ZC3H12B: variants seen among roughly 807,000 people sequenced by gnomAD.
ZC3H12B encodes probable ribonuclease ZC3H12B.
In ZC3H12B, 7 loss-of-function variants were observed where a neutral mutation model predicts 43.9. That is an observed-to-expected ratio of 0.16 (90% CI 0.09 to 0.30). The LOEUF is 0.30. Ranked by LOEUF, ZC3H12B falls within the 10% of genes least tolerant of loss-of-function variation. The pLI, the probability that ZC3H12B is intolerant of heterozygous loss-of-function variation, is 1.00. For synonymous variants in ZC3H12B, 222 were observed against 241.7 expected, an observed-to-expected ratio of 0.92 and a Z score of 0.76; for missense variants, 475 against 670.2, an observed-to-expected ratio of 0.71 and a Z score of 3.22.
chrX:65,478,431 A>T, intron 3 of ZC3H12B, among the ~76,000 whole-genome samples: 1 of 111,908 alleles, frequency 8.9e-6, no homozygotes, highest in South Asian at 3.7e-4. Flanking sequence ...TTTGTTGAAG[A>T]CTGAACATTT....
chrX:65,430,387 A>G (rs1421913872), intron 3 of ZC3H12B, among the ~76,000 whole-genome samples: 1 of 106,655 alleles, frequency 9.4e-6, no homozygotes, highest in African/African-American at 3.4e-5. Flanking sequence ...GTACATGTGC[A>G]CAATGTGCAG....
At chrX:65,410,284 C>T (rs1408731096) in intron 3 of ZC3H12B, among the ~76,000 whole-genome samples, 1 of 111,158 alleles carries the variant, frequency 9.0e-6, no homozygotes, top group Non-Finnish European at 1.9e-5. Context: ...AAACTAGACC[C>T]CTGCGTCTCA....
At chrX:65,094,237 G>A in the ZC3H12B span, among the ~76,000 whole-genome samples, 1 of 105,424 alleles carries the variant, frequency 9.5e-6, no homozygotes, top group Non-Finnish European at 1.9e-5. Context: ...TGCGGCCTGT[G>A]GAACCATGAG....
chrX:65,223,912 AAGT>A, the ZC3H12B span, among the ~76,000 whole-genome samples: 1 of 112,353 alleles, frequency 8.9e-6, no homozygotes, highest in Non-Finnish European at 1.9e-5. Context: ...AAAGAACTAA[AAGT>A]AGATCTACCA....
At chrX:65,174,296 GT>G in the ZC3H12B span, among the ~76,000 whole-genome samples, 1 of 111,060 alleles carries the variant, frequency 9.0e-6, no homozygotes, top group East Asian at 2.8e-4. Flanking sequence ...AATACTCCTT[GT>G]TTTTCAAAAG....
At chrX:65,231,535 C>T in the ZC3H12B span, among the ~76,000 whole-genome samples, 1 of 110,944 alleles carries the variant, frequency 9.0e-6, no homozygotes, top group African/African-American at 3.3e-5. Flanking sequence ...AAAACAGATA[C>T]TCCCAGAGCG....
chrX:65,144,483 A>C, the ZC3H12B span, among the ~76,000 whole-genome samples: 127 of 110,735 alleles, frequency 1.1e-3, no homozygotes, highest in African/African-American at 4.0e-3. Context: ...TCCTGCTCCG[A>C]TCTTGGTTAT....
chrX:65,222,378 G>A, the ZC3H12B span, among the ~76,000 whole-genome samples: 1 of 110,289 alleles, frequency 9.1e-6, no homozygotes, highest in Non-Finnish European at 1.9e-5. Flanking sequence ...AGAAATCAAT[G>A]GCATCCAAAT....
At chrX:65,255,528 G>C in the ZC3H12B span, among the ~76,000 whole-genome samples, 1 of 111,966 alleles carries the variant, frequency 8.9e-6, no homozygotes, top group Non-Finnish European at 1.9e-5. Context: ...CTTAAATAAA[G>C]TCCTTAAGGG....
chrX:65,084,652 G>C, the ZC3H12B span, among the ~76,000 whole-genome samples: 1 of 112,668 alleles, frequency 8.9e-6, no homozygotes, highest in Admixed American at 9.3e-5. Context: ...CTTGTACACT[G>C]TTGGTGGGAA....
the ZC3H12B span, among the ~76,000 whole-genome samples, chrX:65,180,210 C>A: frequency 1.2e-3 from 133 of 112,048 alleles, 1 homozygote; most frequent in African/African-American, 4.3e-3. Context: ...ATACGCAAAT[C>A]ATTAAACATA....
the ZC3H12B span, among the ~76,000 whole-genome samples, chrX:65,253,879 A>G: frequency 3.6e-5 from 4 of 111,940 alleles, no homozygotes; most frequent in Non-Finnish European, 7.5e-5. Context: ...CAGGCCCCAG[A>G]TCATTTTGGC....
intron 1 of ZC3H12B, among the ~76,000 whole-genome samples, chrX:65,491,717 ATAT>A (rs1569424723): frequency 1.6e-3 from 140 of 90,278 alleles, no homozygotes; most frequent in African/African-American, 7.8e-3. Context: ...AAAAAAAAAT[ATAT>A]ATATATATAT....
chrX:65,241,969 G>A, the ZC3H12B span, among the ~76,000 whole-genome samples: 1 of 111,453 alleles, frequency 9.0e-6, no homozygotes, highest in African/African-American at 3.3e-5. Context: ...ACACTTTTTT[G>A]TATTGGACCC....
At chrX:65,333,171 G>C in the ZC3H12B span, among the ~76,000 whole-genome samples, 1 of 111,241 alleles carries the variant, frequency 9.0e-6, no homozygotes, top group South Asian at 3.7e-4. Context: ...CTATGCACAG[G>C]TACTGTGTAG....
At chrX:65,105,220 C>T in the ZC3H12B span, among the ~76,000 whole-genome samples, 4 of 108,452 alleles carry the variant, frequency 3.7e-5, no homozygotes, top group Non-Finnish European at 5.7e-5. Flanking sequence ...ACATGGACAC[C>T]GCAAGGGGAA....
the ZC3H12B span, among the ~76,000 whole-genome samples, chrX:65,248,049 A>C: frequency 9.9e-6 from 1 of 100,693 alleles, no homozygotes; most frequent in African/African-American, 4.8e-5. Context: ...CCACGAAAAA[A>C]ATTTTTTTTT....
chrX:65,299,389 A>G, the ZC3H12B span, among the ~76,000 whole-genome samples: 1 of 112,270 alleles, frequency 8.9e-6, no homozygotes, highest in African/African-American at 3.2e-5. Context: ...TCTCAACAGA[A>G]TATTAGCAGA....
chrX:65,411,314 G>A (rs1228557367), intron 3 of ZC3H12B, among the ~76,000 whole-genome samples: 1 of 112,353 alleles, frequency 8.9e-6, no homozygotes, highest in East Asian at 2.8e-4. Flanking sequence ...AGAGGAGATA[G>A]GGATGGCTAA....
Sources: gnomAD v4.1 joint callset for allele counts (sites outside exome capture counted in the v4.1 genomes callset) on GRCh38, gnomAD v4.1.1 for gene constraint, MANE v1.5 for transcripts, NCBI Gene and HGNC (gene_info 2026-07-23, HGNC 2026-07-21) for gene names.